The following ASTN2 variants were observed in gnomAD, a reference collection of about 807,000 sequenced individuals.
The protein encoded by ASTN2 is astrotactin-2.
ASTN2 carries 54 observed loss-of-function variants against 139.8 expected under a neutral mutation model. The observed-to-expected ratio is 0.39, with a 90% CI of 0.31 to 0.48. The LOEUF (loss-of-function observed/expected upper bound fraction) is 0.48. ASTN2 is among the 20% of genes least tolerant of loss of function. The pLI, the probability that ASTN2 is intolerant of heterozygous loss-of-function variation, is 0.95. For synonymous variants in ASTN2, 756 were observed against 719.5 expected, an observed-to-expected ratio of 1.05 and a Z score of -0.81; for missense variants, 1,565 against 1,725.1, an observed-to-expected ratio of 0.91 and a Z score of 1.64.
chr9:117,115,858 T>A (rs564512984), intron 4 of ASTN2, among the ~76,000 whole-genome samples: 9 of 151,990 alleles, frequency 5.9e-5, no homozygotes, highest in Admixed American at 5.2e-4. Flanking sequence ...AACCCGTCTC[T>A]ACTAAAAATA....
chr9:116,903,874 C>A (rs1834087223), intron 10 of ASTN2, among the ~76,000 whole-genome samples: 1 of 152,194 alleles, frequency 6.6e-6, no homozygotes, highest in Non-Finnish European at 1.5e-5. Context: ...AGGGGACTGG[C>A]ATAGCAGATG....
chr9:116,734,856 C>T (rs942648599), intron 13 of ASTN2, among the ~76,000 whole-genome samples: 4 of 152,212 alleles, frequency 2.6e-5, no homozygotes, highest in Admixed American at 6.5e-5. Context: ...TGAACACTTT[C>T]TTCATTTCTG....
chr9:116,930,805 T>A (rs1015464555), intron 10 of ASTN2, among the ~76,000 whole-genome samples: 4 of 152,184 alleles, frequency 2.6e-5, no homozygotes, highest in African/African-American at 9.6e-5. Context: ...GAATCATCCT[T>A]GACCTTTACA....
chr9:116,472,749 CA>C (rs1332932384), intron 20 of ASTN2, among the ~76,000 whole-genome samples: 158 of 134,104 alleles, frequency 1.2e-3, no homozygotes, highest in Admixed American at 1.2e-3. Context: ...ACTAAAAATA[CA>C]AAAAAAAAAA....
chr9:116,539,922 C>T (rs558541250), intron 19 of ASTN2, among the ~76,000 whole-genome samples: 5 of 152,232 alleles, frequency 3.3e-5, no homozygotes, highest in African/African-American at 1.2e-4. Flanking sequence ...TAAATGAGCC[C>T]TTTCAATGAG....
At chr9:116,549,114 T>A (rs1183099907) in intron 19 of ASTN2, among the ~76,000 whole-genome samples, 1 of 151,778 alleles carries the variant, frequency 6.6e-6, no homozygotes, top group Admixed American at 6.6e-5. Context: ...TAAAACCACA[T>A]AATGAGCGGC....
At chr9:117,007,061 G>A (rs1837374942) in intron 7 of ASTN2, among the ~76,000 whole-genome samples, 1 of 152,156 alleles carries the variant, frequency 6.6e-6, no homozygotes, top group African/African-American at 2.4e-5. Flanking sequence ...AGGTTGCAGT[G>A]AGTCGAGATC....
intron 19 of ASTN2, among the ~76,000 whole-genome samples, chr9:116,551,313 T>C (rs1378852909): frequency 3.3e-5 from 5 of 152,190 alleles, no homozygotes; most frequent in African/African-American, 1.2e-4. Flanking sequence ...CAGCCTGGTC[T>C]ACCCCTCCTT....
intron 2 of ASTN2, among the ~76,000 whole-genome samples, chr9:117,231,646 G>A (rs368899544): frequency 3.9e-5 from 6 of 152,112 alleles, no homozygotes; most frequent in Non-Finnish European, 5.9e-5. Flanking sequence ...AGAAGCCAAC[G>A]GTTTAAGGAG....
At chr9:117,161,425 A>G (rs1328434163) in intron 3 of ASTN2, among the ~76,000 whole-genome samples, 1 of 151,888 alleles carries the variant, frequency 6.6e-6, no homozygotes, top group Non-Finnish European at 1.5e-5. Context: ...ACAGGGTCTC[A>G]CTCTGTCACC....
chr9:116,440,949 A>G (rs183737512), intron 21 of ASTN2, among the ~76,000 whole-genome samples, 157 bp from the exon 22 acceptor site: 1 of 152,248 alleles, frequency 6.6e-6, no homozygotes, highest in Non-Finnish European at 1.5e-5. Context: ...TATGTTATTG[A>G]CTGGTTGTGT....
At chr9:117,059,838 C>G in intron 5 of ASTN2, among the ~76,000 whole-genome samples, 1 of 152,030 alleles carries the variant, frequency 6.6e-6, no homozygotes, top group East Asian at 1.9e-4. Flanking sequence ...CTGTATGGGC[C>G]AAACTGGGCA....
chr9:116,751,363 T>C lies in ASTN2; in HGVS notation c.2397-17840A>G, dbSNP rs562932027. ...AGTAAGAAGTTCAGAGTTAAAGTTC[T>C]GCTTCCACTCTTGCAAGTTTGGACA... On this transcript the variant is annotated intron_variant, in intron 13 of 22. Coordinates refer to ENST00000313400, the MANE Select transcript of ASTN2 (RefSeq NM_001365068.1). Among the ~76,000 whole-genome samples, 288 of 152,310 alleles carry C rather than the reference T, an allele frequency of 1.9e-3. 12 individuals are homozygous for C. The South Asian group carries it at 0.055, about 29-fold the overall frequency.
At chr9:117,083,468 G>GTTAT (rs527237851) in intron 5 of ASTN2, among the ~76,000 whole-genome samples, 243 of 152,272 alleles carry the variant, frequency 1.6e-3, no homozygotes, top group Non-Finnish European at 2.5e-3. Context: ...ATTAAATAAG[G>GTTAT]TTATGCATGC....
At chr9:117,130,492 C>A (rs957228631) in intron 4 of ASTN2, among the ~76,000 whole-genome samples, 1 of 152,168 alleles carries the variant, frequency 6.6e-6, no homozygotes, top group Admixed American at 6.5e-5. Flanking sequence ...CATCATGACA[C>A]CAGCTTCTGA....
intron 7 of ASTN2, among the ~76,000 whole-genome samples, chr9:116,996,298 T>C (rs1486298632): frequency 1.3e-5 from 2 of 152,172 alleles, no homozygotes; most frequent in Non-Finnish European, 2.9e-5. Flanking sequence ...GTACATAAAC[T>C]ATATACATAT....
rs1239005628 is a variant in ASTN2, at chr9:116,802,364, GC to G, written c.2396+3267del. On this transcript the variant is annotated intron_variant, in intron 13 of 22. Coordinates refer to ENST00000313400, the MANE Select transcript of ASTN2 (RefSeq NM_001365068.1). Reference sequence around the variant, plus strand: ...GCCTCCCAAAGTGCTGGGATGACAGGCATGAGCCACCACAACCAGCGGTGCC... The same window carrying G: ...GCCTCCCAAAGTGCTGGGATGACAGGATGAGCCACCACAACCAGCGGTGCC... Among the ~76,000 whole-genome samples the G allele has an allele frequency of 2.6e-5, 4 of 152,220 alleles. No individual in the cohort carries two copies. In the South Asian group the frequency reaches 8.3e-4, roughly 32 times the overall value.
intron 1 of ASTN2, among the ~76,000 whole-genome samples, chr9:117,327,271 T>C (rs561190666): frequency 1.1e-4 from 16 of 152,190 alleles, no homozygotes; most frequent in South Asian, 4.2e-4. Context: ...GGCCCAGGGA[T>C]TGGGGACTCC....
At chr9:116,933,978 C>CTTTTT in intron 10 of ASTN2, among the ~76,000 whole-genome samples, 1 of 30,742 alleles carries the variant, frequency 3.3e-5, no homozygotes, top group African/African-American at 8.6e-5. Context: ...AAGTGTTAGT[C>CTTTTT]CTTTTTTTTT....
Sources: allele counts gnomAD v4.1 joint callset (sites outside exome capture counted in the v4.1 genomes callset), GRCh38; gene constraint gnomAD v4.1.1; transcripts MANE v1.5; gene names NCBI Gene and HGNC (gene_info 2026-07-23, HGNC 2026-07-21).